The following KCND2 variants were observed in gnomAD, a reference collection of about 807,000 sequenced individuals.
The protein encoded by KCND2 is potassium voltage-gated channel subfamily D member 2, also known as A-type voltage-gated potassium channel KCND2.
KCND2 carries 16 observed loss-of-function variants against 54.4 expected under a neutral mutation model. The observed-to-expected ratio is 0.29, with a 90% CI of 0.20 to 0.45. KCND2 has a LOEUF of 0.45. Ranked by LOEUF, KCND2 falls within the 20% of genes least tolerant of loss-of-function variation. KCND2 has a pLI of 1.00. For synonymous variants in KCND2, 317 were observed against 310.7 expected, an observed-to-expected ratio of 1.02 and a Z score of -0.21; for missense variants, 486 against 824.2, an observed-to-expected ratio of 0.59 and a Z score of 5.02.
At chr7:120,742,163 A>G (rs1191246350) in intron 3 of KCND2, among the ~76,000 whole-genome samples, 1 of 152,164 alleles carries the variant, frequency 6.6e-6, no homozygotes, top group African/African-American at 2.4e-5. Flanking sequence ...GCTTTTATTT[A>G]CGTGCACATG....
intron 1 of KCND2, among the ~76,000 whole-genome samples, chr7:120,505,606 A>G (rs998297545): frequency 6.6e-6 from 1 of 151,770 alleles, no homozygotes; most frequent in Non-Finnish European, 1.5e-5. Context: ...GTCTTTTAAT[A>G]TGATCTCTTG....
chr7:120,483,290 G>T (rs1463518740), intron 1 of KCND2, among the ~76,000 whole-genome samples: 1 of 152,106 alleles, frequency 6.6e-6, no homozygotes, highest in Non-Finnish European at 1.5e-5. Context: ...CACACAAAAA[G>T]GGAAACATGG....
chr7:120,279,572 A>C lies in KCND2; in HGVS notation c.1115+3825A>C, dbSNP rs1052737113. On this transcript the variant is annotated intron_variant, in intron 1 of 5. Transcript: ENST00000331113. ...TTCAGAACAAATTTGGGAAAGTAAAAATTTAATTTGTATTATATATTTATC... is the reference window on the plus strand; with the variant it reads ...TTCAGAACAAATTTGGGAAAGTAAACATTTAATTTGTATTATATATTTATC... 2.6e-5 allele frequency among the ~76,000 whole-genome samples: 4 copies of C among 152,046 alleles called. No individual in the cohort carries two copies. The East Asian group carries it at 5.8e-4, about 22-fold the overall frequency.
At chr7:120,746,267 CA>C (rs1793005852) in intron 5 of KCND2, among the ~76,000 whole-genome samples, 1 of 152,126 alleles carries the variant, frequency 6.6e-6, no homozygotes, top group Non-Finnish European at 1.5e-5. Context: ...TGAGTGCACA[CA>C]AATGTGTTTT....
intron 1 of KCND2, among the ~76,000 whole-genome samples, chr7:120,556,057 G>A (rs189328205): frequency 1.3e-5 from 2 of 152,248 alleles, no homozygotes; most frequent in Admixed American, 6.5e-5. Flanking sequence ...TTGAATTCTT[G>A]ACACATGTAA....
Position 120,303,630 on chromosome 7 carries a change from T to C in KCND2, c.1115+27883T>C, listed in dbSNP as rs114884135. 6.2e-3 allele frequency among the ~76,000 whole-genome samples: 949 copies of C among 152,298 alleles called. 4 individuals carry two copies. Among genetic ancestry groups the C allele is most frequent in the African/African-American group, 0.021 (879 of 41,566 alleles). On this transcript the variant is annotated intron_variant, in intron 1 of 5. Transcript: ENST00000331113. Reference sequence around the variant, plus strand: ...CCCAACTTCATGCTCTCTTTGGACATTCCAACATTTAAAACTATTCTCAAG... The same window carrying C: ...CCCAACTTCATGCTCTCTTTGGACACTCCAACATTTAAAACTATTCTCAAG...
In KCND2 at chr7:120,633,102, G is replaced by A. The variant is rs562144447; in HGVS notation, c.1116-99801G>A. On this transcript the variant is annotated intron_variant, in intron 1 of 5. Coordinates refer to ENST00000331113, the MANE Select transcript of KCND2 (RefSeq NM_012281.3). ...ATTATCGCCATTTCAAATATTGAGA[G>A]AAATGTCTCATTTACTTCTTGGAGG... Among the ~76,000 whole-genome samples, 48 of 152,308 alleles carry A rather than the reference G, an allele frequency of 3.2e-4. 1 individual carries two copies. Among genetic ancestry groups the A allele is most frequent in the Middle Eastern group, 6.8e-3 (2 of 294 alleles).
rs1456120584 is a variant in KCND2 at position 120,749,245 on chromosome 7, G to A, written c.*1387G>A. ...CATGCTTTCTACGCCATTCAGGAAG[G>A]CAGCACAAATTTATCTCAGAAAGGT... On this transcript the variant is annotated 3_prime_UTR_variant, in exon 6 of 6. Coordinates refer to ENST00000331113, the MANE Select transcript of KCND2 (RefSeq NM_012281.3). 3.3e-5 allele frequency: 5 copies of A among 151,902 alleles called. No homozygotes were observed. The highest frequency in any genetic ancestry group is 1.3e-4 in the Admixed American group (2 of 15,236). 9.4% of individuals were successfully genotyped at this position (151,902 alleles called of 1,614,324 possible). A position where few individuals can be genotyped will look rare whatever the true frequency, so the allele number is the denominator to read the frequency against.
intron 1 of KCND2, among the ~76,000 whole-genome samples, chr7:120,631,896 A>G (rs1793238387): frequency 6.6e-6 from 1 of 152,202 alleles, no homozygotes; most frequent in African/African-American, 2.4e-5. Context: ...TTAAAATGAT[A>G]GATACCCTAT....
At chr7:120,348,642 C>T (rs1316343796) in intron 1 of KCND2, among the ~76,000 whole-genome samples, 2 of 152,146 alleles carry the variant, frequency 1.3e-5, no homozygotes, top group African/African-American at 4.8e-5. Flanking sequence ...ACATACATTA[C>T]AACTTCTTTG....
At chr7:120,583,144 T>G (rs934297300) in intron 1 of KCND2, among the ~76,000 whole-genome samples, 1 of 152,164 alleles carries the variant, frequency 6.6e-6, no homozygotes, top group Non-Finnish European at 1.5e-5. Context: ...GGATAAGTAC[T>G]CAGTCACTGT....
intron 1 of KCND2, among the ~76,000 whole-genome samples, chr7:120,409,053 A>T (rs1363484847): frequency 6.6e-6 from 1 of 151,920 alleles, no homozygotes; most frequent in African/African-American, 2.4e-5. Context: ...TTTCTATGTA[A>T]GTCTCAGGGT....
intron 1 of KCND2, among the ~76,000 whole-genome samples, chr7:120,312,239 A>G (rs187726544): frequency 6.6e-6 from 1 of 152,132 alleles, no homozygotes; most frequent in East Asian, 1.9e-4. Context: ...ACCGCGTAGT[A>G]TTCCATGGTG....
chr7:120,710,258 T>C (rs1792521090), intron 1 of KCND2, among the ~76,000 whole-genome samples: 1 of 152,146 alleles, frequency 6.6e-6, no homozygotes, highest in Non-Finnish European at 1.5e-5. Context: ...GGCACATACA[T>C]ATGTTTGCAC....
chr7:120,717,273 G>A (rs1792614818), intron 1 of KCND2, among the ~76,000 whole-genome samples: 1 of 152,092 alleles, frequency 6.6e-6, no homozygotes, highest in South Asian at 2.1e-4. Context: ...TTGATGTCAG[G>A]AGCAGACAAT....
At chr7:120,597,583 C>T (rs776528017) in intron 1 of KCND2, among the ~76,000 whole-genome samples, 2 of 152,072 alleles carry the variant, frequency 1.3e-5, no homozygotes, top group Non-Finnish European at 2.9e-5. Context: ...AAGTGCATCC[C>T]TTACAAGGGT....
chr7:120,526,810 ACT>A (rs1246993791), intron 1 of KCND2, among the ~76,000 whole-genome samples: 2 of 152,134 alleles, frequency 1.3e-5, no homozygotes, highest in Admixed American at 1.3e-4. Flanking sequence ...AATATAGAGA[ACT>A]CTGATTTTTT....
intron 1 of KCND2, among the ~76,000 whole-genome samples, chr7:120,283,092 T>G (rs1180844076): frequency 6.6e-6 from 1 of 152,206 alleles, no homozygotes; most frequent in African/African-American, 2.4e-5. Flanking sequence ...AATGGCTGAT[T>G]AAAGTGATGA....
At chr7:120,365,886 GA>G (rs1800670435) in intron 1 of KCND2, among the ~76,000 whole-genome samples, 1 of 151,978 alleles carries the variant, frequency 6.6e-6, no homozygotes. Context: ...GAAAAATGTT[GA>G]AACTGTACAA....
Sources: gnomAD v4.1 joint callset for allele counts (sites outside exome capture counted in the v4.1 genomes callset) on GRCh38, gnomAD v4.1.1 for gene constraint, MANE v1.5 for transcripts, NCBI Gene and HGNC (gene_info 2026-07-23, HGNC 2026-07-21) for gene names.